The following ST6GAL1 variants were observed in gnomAD, a reference collection of about 807,000 sequenced individuals.
The protein encoded by ST6GAL1 is beta-galactoside alpha-2,6-sialyltransferase 1.
Under a neutral mutation model 38.0 loss-of-function variants are expected in ST6GAL1, and 20 were observed. The ratio of observed to expected loss-of-function variants is 0.53; its 90% CI spans 0.37 to 0.77. The LOEUF is 0.77. Ranked by LOEUF, ST6GAL1 falls within the 30% of genes least tolerant of loss-of-function variation. The pLI is 0.00. For missense variants in ST6GAL1, 432 were observed against 496.4 expected, an observed-to-expected ratio of 0.87 and a Z score of 1.23; for synonymous variants, 196 against 188.2, an observed-to-expected ratio of 1.04 and a Z score of -0.34.
intron 2 of ST6GAL1, among the ~76,000 whole-genome samples, chr3:186,992,459 T>C (rs868220659): frequency 2.0e-5 from 3 of 152,086 alleles, no homozygotes; most frequent in Admixed American, 6.6e-5. Flanking sequence ...AGTGTGAGAA[T>C]GGACTAATAC....
intron 1 of ST6GAL1, among the ~76,000 whole-genome samples, chr3:186,943,984 G>A (rs1045584760): frequency 2.6e-5 from 4 of 152,174 alleles, no homozygotes; most frequent in African/African-American, 9.7e-5. Context: ...ATCCCTTGCC[G>A]AATCCTCTTC....
rs1719612675 is a variant in ST6GAL1, at chr3:187,077,777, C to G, written c.*1974C>G. The G allele has an allele frequency of 6.6e-6, 1 of 152,356 alleles. No homozygotes were observed. Among genetic ancestry groups the G allele is most frequent in the African/African-American group, 2.4e-5 (1 of 41,454 alleles). The allele number at this position is 152,356 out of a possible 1,614,324, so 9.4% of individuals were successfully genotyped here. On this transcript the variant is annotated 3_prime_UTR_variant, in exon 8 of 8. Transcript: ENST00000169298. ...GTGCTCACACCTCGGCTGCATGCACCCTGCTGTGACGGAGGCTAGTGTGGA... is the reference window on the plus strand; with the variant it reads ...GTGCTCACACCTCGGCTGCATGCACGCTGCTGTGACGGAGGCTAGTGTGGA...
At chr3:187,047,476 CTT>C (rs1296331385) in intron 4 of ST6GAL1, among the ~76,000 whole-genome samples, 2 of 152,162 alleles carry the variant, frequency 1.3e-5, no homozygotes, top group South Asian at 2.1e-4. Flanking sequence ...AATTTACTAA[CTT>C]GAGCTGATTC....
At chr3:187,057,361 C>G (rs950531217) in intron 5 of ST6GAL1, among the ~76,000 whole-genome samples, 2 of 152,166 alleles carry the variant, frequency 1.3e-5, no homozygotes, top group Middle Eastern at 3.2e-3. Context: ...CGAGGAGCTG[C>G]GATCCTTTGG....
At chr3:186,944,683 G>A (rs1056503849) in intron 1 of ST6GAL1, among the ~76,000 whole-genome samples, 11 of 152,188 alleles carry the variant, frequency 7.2e-5, no homozygotes, top group Admixed American at 6.5e-4. Context: ...TAACAGAGAA[G>A]GAAGGCTTGA....
chr3:186,961,407 G>A (rs1714932489), intron 1 of ST6GAL1, among the ~76,000 whole-genome samples: 2 of 152,052 alleles, frequency 1.3e-5, no homozygotes, highest in African/African-American at 4.8e-5. Flanking sequence ...TGTCAGATTG[G>A]CCCAGCTTCC....
At chr3:186,939,026 A>G (rs1333145211) in intron 1 of ST6GAL1, among the ~76,000 whole-genome samples, 1 of 118,784 alleles carries the variant, frequency 8.4e-6, no homozygotes, top group Non-Finnish European at 1.9e-5. Context: ...ACCTTTAGGG[A>G]GGATTGGGAG....
intron 4 of ST6GAL1, among the ~76,000 whole-genome samples, chr3:187,049,197 TTAAAATTTTG>T (rs1718426268): frequency 6.6e-6 from 1 of 152,170 alleles, no homozygotes. Context: ...AGCTGAGAAA[TTAAAATTTTG>T]AACTGCGTTA....
intron 2 of ST6GAL1, among the ~76,000 whole-genome samples, chr3:186,976,394 T>G (rs1715522439): frequency 6.6e-6 from 1 of 152,162 alleles, no homozygotes; most frequent in African/African-American, 2.4e-5. Context: ...TACCAAGCAT[T>G]GTTTTAGAGG....
At position 187,048,880 on chromosome 3, in the gene ST6GAL1, A is replaced by ATTTTTTTTT. The variant is rs374148828; in HGVS notation, c.608-2349_608-2341dup. Reference sequence around the variant, plus strand: ...TCTGGCTCTGTCCCTGAGAAATTGAATTTTTTTTTTTTTTTTTTTTTTTTT... The same window carrying ATTTTTTTTT: ...TCTGGCTCTGTCCCTGAGAAATTGAATTTTTTTTTTTTTTTTTTTTTTTTTTTTTTTTTT... On this transcript the variant is annotated intron_variant, in intron 4 of 7. Coordinates refer to ENST00000169298, the MANE Select transcript of ST6GAL1 (RefSeq NM_173216.2). Among the ~76,000 whole-genome samples, 218 of 115,372 alleles carry ATTTTTTTTT rather than the reference A, an allele frequency of 1.9e-3. 9 individuals carry two copies. Among genetic ancestry groups the ATTTTTTTTT allele is most frequent in the African/African-American group, 7.8e-3 (207 of 26,510 alleles). 75.7% of individuals were successfully genotyped at this position (115,372 alleles called of 152,430 possible). A position where few individuals can be genotyped will look rare whatever the true frequency, so the allele number is the denominator to read the frequency against.
At chr3:187,058,849 C>G (rs1718812265) in intron 5 of ST6GAL1, among the ~76,000 whole-genome samples, 1 of 152,072 alleles carries the variant, frequency 6.6e-6, no homozygotes, top group East Asian at 1.9e-4. Context: ...ACCATGTTGG[C>G]CCAACTGGTC....
chr3:187,028,461 A>G (rs959278119), intron 2 of ST6GAL1, among the ~76,000 whole-genome samples: 1 of 152,208 alleles, frequency 6.6e-6, no homozygotes, highest in Non-Finnish European at 1.5e-5. Flanking sequence ...ATGACATTGC[A>G]TTATTTTCAT....
At chr3:187,015,599 A>G (rs544206066) in intron 2 of ST6GAL1, among the ~76,000 whole-genome samples, 2 of 152,238 alleles carry the variant, frequency 1.3e-5, no homozygotes, top group Admixed American at 1.3e-4. Context: ...GCACTTTGGG[A>G]GGCCGAGGTG....
chr3:186,969,200 TG>T (rs34727437), intron 2 of ST6GAL1, among the ~76,000 whole-genome samples: 137,228 of 151,878 alleles, frequency 0.9, 62,009 homozygotes, highest in East Asian at 0.93. Flanking sequence ...TACAGGCACC[TG>T]GCCACCATGC....
At chr3:186,978,382 ACTC>A (rs749343560) in intron 2 of ST6GAL1, among the ~76,000 whole-genome samples, 77 of 151,210 alleles carry the variant, frequency 5.1e-4, no homozygotes, top group Non-Finnish European at 9.3e-4. Context: ...TATTTCTCTG[ACTC>A]CTCCTCAGTT....
intron 2 of ST6GAL1, among the ~76,000 whole-genome samples, chr3:187,001,663 AAAAC>A (rs1204293350): frequency 6.6e-6 from 1 of 152,174 alleles, no homozygotes; most frequent in East Asian, 1.9e-4. Flanking sequence ...TATGTAATGA[AAAAC>A]AAACAAACGG....
intron 1 of ST6GAL1, among the ~76,000 whole-genome samples, chr3:186,950,896 G>A (rs757465185): frequency 2.0e-5 from 3 of 152,188 alleles, no homozygotes; most frequent in Admixed American, 1.3e-4. Flanking sequence ...AAAAACAAAC[G>A]TAGAAGCTTT....
intron 2 of ST6GAL1, among the ~76,000 whole-genome samples, chr3:187,037,228 A>G (rs955210457): frequency 6.6e-6 from 1 of 152,188 alleles, no homozygotes; most frequent in African/African-American, 2.4e-5. Flanking sequence ...AATGAGTATT[A>G]TCATGTAGAA....
chr3:187,055,502 T>G (rs1251761061), intron 5 of ST6GAL1, among the ~76,000 whole-genome samples: 1 of 152,222 alleles, frequency 6.6e-6, no homozygotes, highest in Non-Finnish European at 1.5e-5. Flanking sequence ...TCTGGTATGT[T>G]GTGTCTTTGT....
Sources: gnomAD v4.1 joint callset for allele counts (sites outside exome capture counted in the v4.1 genomes callset) on GRCh38, gnomAD v4.1.1 for gene constraint, MANE v1.5 for transcripts, NCBI Gene and HGNC (gene_info 2026-07-23, HGNC 2026-07-21) for gene names.